Variants in USH2A observed in about 807,000 individuals in gnomAD.
The protein encoded by USH2A is Usher syndrome 2A (autosomal recessive, mild).
Under a neutral mutation model 538.9 loss-of-function variants are expected in USH2A, and 443 were observed. The ratio of observed to expected loss-of-function variants is 0.82; its 90% confidence interval spans 0.76 to 0.89. The LOEUF is 0.89. Among genes scored for constraint, USH2A ranks in the 40% least tolerant of loss-of-function variants. The pLI is 0.00. For missense variants in USH2A, 6,633 were observed against 6,324.8 expected (o/e 1.05, Z -1.65); for synonymous variants, 2,413 against 2,273.5 (o/e 1.06, Z -1.75).
rs1558097406 is a variant in USH2A, at chr1:215,786,665, GT to G, written c.10387+4del. ...GCCATGGGCAGACAGCTTGCTTTCT[GT>G]TACCTGTGTAAGAGTACGTGTTTAC... On this transcript the variant is annotated splice_donor_region_variant and intron_variant, in intron 52 of 71. Coordinates refer to ENST00000307340, the MANE Select transcript of USH2A (RefSeq NM_206933.4). 1.2e-6 allele frequency: 2 copies of G among 1,613,916 alleles called. No homozygotes were observed. The highest frequency in any genetic ancestry group is 2.2e-5 in the South Asian group (2 of 91,078).
At chr1:216,355,700 A>T (rs2038381380) in intron 4 of USH2A, among the ~76,000 whole-genome samples, 1 of 152,154 alleles carries the variant, frequency 6.6e-6, no homozygotes, top group Non-Finnish European at 1.5e-5. Context: ...AGATCTTTAA[A>T]AAGAGAGAGA....
chr1:215,656,029 C>T (rs929296972), intron 64 of USH2A, among the ~76,000 whole-genome samples: 4 of 152,108 alleles, frequency 2.6e-5, no homozygotes, highest in South Asian at 2.1e-4. Context: ...CCACCGCGCC[C>T]GGCCTGTGCT....
At chr1:216,243,373 C>T (rs2035972886) in intron 13 of USH2A, among the ~76,000 whole-genome samples, 1 of 152,156 alleles carries the variant, frequency 6.6e-6, no homozygotes, top group Admixed American at 6.5e-5. Flanking sequence ...AATGTTCTGC[C>T]AGCTAATTTT....
intron 21 of USH2A, among the ~76,000 whole-genome samples, chr1:216,163,651 T>C (rs567009877): frequency 0.026 from 3,570 of 139,490 alleles, 141 homozygotes; most frequent in African/African-American, 0.09. Flanking sequence ...TATCTCAGTA[T>C]AATTAGTAGT....
In USH2A at chr1:215,674,362, C is replaced by T. The variant is rs763154327; in HGVS notation, c.13549G>A (p.Gly4517Ser). 1.2e-6 allele frequency: 2 copies of T among 1,613,912 alleles called. No individual in the cohort carries two copies. The highest frequency in any genetic ancestry group is 1.7e-5 in the Admixed American group (1 of 60,012). ...TCTTTGACAAGAGGACTCAAAATAC[C>T]CCCTTGGCTGTTGCTGGCAGTTACT... ...YTVTASNSQGGILSPLVKDRT... is the reference protein window; with the variant it reads ...YTVTASNSQGSILSPLVKDRT... Residue 4517 changes from glycine to serine, a missense_variant, in exon 63 of 72, where the codon GGT (glycine) becomes AGT (serine). By Grantham distance (56) the Gly-to-Ser change is moderately conservative (BLOSUM62 0). Coordinates refer to ENST00000307340, the MANE Select transcript of USH2A (RefSeq NM_206933.4).
chr1:215,979,889 T>G (rs1281575401), intron 35 of USH2A, among the ~76,000 whole-genome samples: 1 of 152,168 alleles, frequency 6.6e-6, no homozygotes, highest in Non-Finnish European at 1.5e-5. Context: ...GGAATTGTTT[T>G]TCAGTGTGAG....
intron 4 of USH2A, among the ~76,000 whole-genome samples, chr1:216,333,946 C>T (rs936924597): frequency 1.3e-5 from 2 of 151,950 alleles, no homozygotes; most frequent in Non-Finnish European, 2.9e-5. Flanking sequence ...ACTTGCTCTA[C>T]AAGAAATACC....
At chr1:216,292,026 G>T in intron 10 of USH2A, 149 bp downstream of exon 10, 2 of 861,696 alleles carry the variant, frequency 2.3e-6, no homozygotes, top group Non-Finnish European at 3.6e-6. Context: ...GAAATAGGAA[G>T]ATTTGGTGAA....
At chr1:215,701,752 G>A (rs1391803730) in intron 61 of USH2A, among the ~76,000 whole-genome samples, 3 of 152,138 alleles carry the variant, frequency 2.0e-5, no homozygotes, top group Non-Finnish European at 4.4e-5. Context: ...GCACACTGAT[G>A]GGTCTTGTCT....
intron 35 of USH2A, among the ~76,000 whole-genome samples, chr1:215,981,144 C>G (rs11120706): frequency 0.45 from 67,959 of 151,940 alleles, 17,086 homozygotes; most frequent in East Asian, 0.85. Context: ...AAAATGGTAT[C>G]TTGTTTGGGT....
chr1:216,333,535 G>T (rs1370689550), intron 4 of USH2A, among the ~76,000 whole-genome samples: 2 of 151,966 alleles, frequency 1.3e-5, no homozygotes, highest in Admixed American at 6.6e-5. Flanking sequence ...AGGACTGAAA[G>T]AATATTTAGA....
At chr1:215,690,548 C>T (rs1658569493) in intron 61 of USH2A, among the ~76,000 whole-genome samples, 1 of 152,066 alleles carries the variant, frequency 6.6e-6, no homozygotes, top group South Asian at 2.1e-4. Flanking sequence ...ATAAGAAGAC[C>T]CTGTCTCTAA....
At position 216,086,753 on chromosome 1, in the gene USH2A, G is replaced by A. The variant is rs1438230273; in HGVS notation, c.4953C>T (p.Leu1651=). The stretch of plus-strand genomic sequence containing the variant: ...TCCTGAGGATGGTATAACTTCGCGG[G>A]AGCCCTCCCAGAAAGACTCCTGTGT... The part of the protein sequence containing the change: ...GDNTGVFLGG[L]PRSYTILRKD... The change falls in exon 24 of 72, where the codon CTC becomes CTT. Residue 1651 remains leucine, a synonymous_variant. Coordinates refer to ENST00000307340, the MANE Select transcript of USH2A (RefSeq NM_206933.4). 6.2e-7 allele frequency: 1 copy of A among 1,612,876 alleles called. No homozygotes were observed. Among genetic ancestry groups the A allele is most frequent in the Non-Finnish European group, 8.5e-7 (1 of 1,179,344 alleles).
chr1:216,214,836 A>G (rs1008588504), intron 15 of USH2A, among the ~76,000 whole-genome samples: 4 of 152,046 alleles, frequency 2.6e-5, no homozygotes, highest in Admixed American at 6.6e-5. Flanking sequence ...CTATCAAACA[A>G]TAAGTGGCTA....
intron 32 of USH2A, among the ~76,000 whole-genome samples, chr1:216,034,539 T>A (rs1267545640): frequency 1.3e-5 from 2 of 152,186 alleles, no homozygotes; most frequent in African/African-American, 4.8e-5. Flanking sequence ...GAGGTCATAC[T>A]GAAAGACGGG....
intron 10 of USH2A, among the ~76,000 whole-genome samples, 165 bp from the exon 11 acceptor site, chr1:216,289,575 T>A (rs369029237): frequency 2.0e-5 from 3 of 152,204 alleles, no homozygotes; most frequent in Admixed American, 1.3e-4. Context: ...CCAGAGCATA[T>A]GAAACAATGA....
At chr1:215,943,704 T>C (rs17025681) in intron 37 of USH2A, among the ~76,000 whole-genome samples, 4,877 of 152,228 alleles carry the variant, frequency 0.032, 122 homozygotes, top group South Asian at 0.083. Context: ...AGAGTGATAA[T>C]TTTCCAAGGC....
rs920907425 is a variant in USH2A at position 215,816,978 on chromosome 1, T to C, written c.9570+19A>G. On this transcript the variant is annotated intron_variant, in intron 48 of 71. Coordinates refer to ENST00000307340, the MANE Select transcript of USH2A (RefSeq NM_206933.4). ...GAGTGAGAAAAACATGGTTCACTGA[T>C]TAGTTAGAAAAGACTTACCTTAGCT... 6.2e-7 allele frequency: 1 copy of C among 1,611,154 alleles called. No individual in the cohort carries two copies. Among genetic ancestry groups the C allele is most frequent in the Non-Finnish European group, 8.5e-7 (1 of 1,177,938 alleles).
At chr1:216,282,937 A>C (rs1013472070) in intron 11 of USH2A, among the ~76,000 whole-genome samples, 1 of 152,136 alleles carries the variant, frequency 6.6e-6, no homozygotes, top group Admixed American at 6.5e-5. Flanking sequence ...CTTTTACTAA[A>C]TGTTTTTCTA....
Sources: gnomAD v4.1 joint callset for allele counts (sites outside exome capture counted in the v4.1 genomes callset) on GRCh38, gnomAD v4.1.1 for gene constraint, MANE v1.5 for transcripts, NCBI Gene and HGNC (gene_info 2026-07-23, HGNC 2026-07-21) for gene names.